PIBF1: variants seen among roughly 807,000 people sequenced by gnomAD.
PIBF1 encodes progesterone-induced-blocking factor 1.
PIBF1 carries 90 observed loss-of-function variants against 112.5 expected under a neutral mutation model. That is an observed-to-expected ratio of 0.80 (90% confidence interval 0.67 to 0.95). PIBF1 has a LOEUF of 0.95. Among genes scored for constraint, PIBF1 ranks in the 40% least tolerant of loss-of-function variants. PIBF1 has a pLI of 0.00. For synonymous variants in PIBF1, 301 were observed against 288.6 expected (o/e 1.04, Z -0.44); for missense variants, 915 against 852.3 (o/e 1.07, Z -0.92).
chr13:72,801,416 G>T (rs1223074145), intron 5 of PIBF1, among the ~76,000 whole-genome samples: 1 of 151,810 alleles, frequency 6.6e-6, no homozygotes, highest in Non-Finnish European at 1.5e-5. Flanking sequence ...ATATATGTAG[G>T]TACTATATTT....
chr13:72,793,272 C>T (rs1170169795), intron 3 of PIBF1, among the ~76,000 whole-genome samples: 2 of 152,184 alleles, frequency 1.3e-5, no homozygotes, highest in African/African-American at 2.4e-5. Flanking sequence ...GTTTTAATTA[C>T]AGGTAAAAGT....
intron 12 of PIBF1, among the ~76,000 whole-genome samples, chr13:72,911,264 G>A (rs78209499): frequency 0.11 from 16,768 of 152,162 alleles, 1,266 homozygotes; most frequent in Non-Finnish European, 0.17. Context: ...TCAATATCAG[G>A]ATAATACAGT....
chr13:72,858,642 T>A (rs765345200), intron 10 of PIBF1, among the ~76,000 whole-genome samples: 3 of 152,194 alleles, frequency 2.0e-5, no homozygotes, highest in Non-Finnish European at 4.4e-5. Context: ...AGAGATTTTG[T>A]ACCTCATAAA....
chr13:72,852,421 T>C (rs1052472737), intron 9 of PIBF1, among the ~76,000 whole-genome samples: 6 of 152,232 alleles, frequency 3.9e-5, no homozygotes, highest in Non-Finnish European at 5.9e-5. Context: ...GGTTGAACCC[T>C]GTACTCACTG....
intron 9 of PIBF1, among the ~76,000 whole-genome samples, chr13:72,852,315 T>C (rs536933549): frequency 3.3e-5 from 5 of 152,322 alleles, no homozygotes; most frequent in African/African-American, 9.6e-5. Flanking sequence ...GTGCCAGCAG[T>C]GGAAGCTGCT....
intron 16 of PIBF1, among the ~76,000 whole-genome samples, chr13:72,989,776 G>A (rs547159659): frequency 1.5e-3 from 229 of 152,280 alleles, no homozygotes; most frequent in Non-Finnish European, 2.8e-3. Context: ...TGTGGTATGT[G>A]AATTATATCT....
chr13:72,855,237 C>A (rs2038363190), intron 10 of PIBF1, among the ~76,000 whole-genome samples: 1 of 152,046 alleles, frequency 6.6e-6, no homozygotes. Context: ...ATATAATTAA[C>A]CTATTGTAAA....
At chr13:72,944,457 AAAG>A (rs2042094987) in intron 14 of PIBF1, among the ~76,000 whole-genome samples, 2 of 151,642 alleles carry the variant, frequency 1.3e-5, no homozygotes, top group African/African-American at 2.4e-5. Flanking sequence ...AAAAAAAAAA[AAAG>A]AAGAAAAAGA....
At chr13:72,981,905 A>G (rs1727104179) in intron 16 of PIBF1, among the ~76,000 whole-genome samples, 1 of 152,238 alleles carries the variant, frequency 6.6e-6, no homozygotes, top group African/African-American at 2.4e-5. Flanking sequence ...GGAAAAAGCC[A>G]GCAGTCAGAC....
At chr13:72,951,439 T>G (rs971465823) in intron 14 of PIBF1, among the ~76,000 whole-genome samples, 2 of 152,202 alleles carry the variant, frequency 1.3e-5, no homozygotes, top group Non-Finnish European at 2.9e-5. Context: ...AAAGCAACTT[T>G]CATTGAAATA....
chr13:73,003,444 G>C (rs981264552), intron 17 of PIBF1, among the ~76,000 whole-genome samples: 2 of 151,912 alleles, frequency 1.3e-5, no homozygotes, highest in Admixed American at 6.6e-5. Flanking sequence ...TTGTAGAGAC[G>C]GGGTTTCACC....
chr13:72,888,793 T>C (rs1348787363), intron 10 of PIBF1, among the ~76,000 whole-genome samples: 2 of 151,354 alleles, frequency 1.3e-5, no homozygotes, highest in African/African-American at 2.4e-5. Context: ...AAAACTGATA[T>C]ATCAATTCAT....
At chr13:72,801,401 A>G (rs1477635855) in intron 5 of PIBF1, among the ~76,000 whole-genome samples, 1 of 152,212 alleles carries the variant, frequency 6.6e-6, no homozygotes, top group Non-Finnish European at 1.5e-5. Flanking sequence ...TAATGAATGC[A>G]TAAAATATAT....
At chr13:72,927,976 T>TAGATATATATATATACAC (rs2041557935) in intron 13 of PIBF1, among the ~76,000 whole-genome samples, 1 of 81,100 alleles carries the variant, frequency 1.2e-5, no homozygotes, top group African/African-American at 4.0e-5. Context: ...TATATATATA[T>TAGATATATATATATACAC]ACATATATAT....
intron 11 of PIBF1, among the ~76,000 whole-genome samples, chr13:72,894,751 A>C (rs2040199704): frequency 7.8e-6 from 1 of 127,958 alleles, no homozygotes; most frequent in African/African-American, 3.3e-5. Context: ...AATATATAAT[A>C]TATATATTAT....
intron 17 of PIBF1, 89 bp downstream of exon 17, chr13:72,999,084 A>C: frequency 2.5e-6 from 2 of 805,212 alleles, no homozygotes; most frequent in Admixed American, 2.5e-5. Context: ...ACATTTATGA[A>C]ATGAGTAGAT....
chr13:72,901,130 C>T (rs761726136), intron 11 of PIBF1: 9 of 422,434 alleles, frequency 2.1e-5, no homozygotes, highest in Admixed American at 1.9e-4. Flanking sequence ...AACAGACAAC[C>T]CACAAAGTGG....
intron 17 of PIBF1, among the ~76,000 whole-genome samples, chr13:73,010,289 G>C (rs1204586884): frequency 7.1e-6 from 1 of 140,014 alleles, no homozygotes; most frequent in Non-Finnish European, 1.5e-5. Context: ...CATTACCCGT[G>C]GGTTGGGACC....
At chr13:72,946,448 C>T (rs2042150952) in intron 14 of PIBF1, among the ~76,000 whole-genome samples, 1 of 152,072 alleles carries the variant, frequency 6.6e-6, no homozygotes, top group Non-Finnish European at 1.5e-5. Flanking sequence ...GCACCTGGAC[C>T]CTCCCAAATC....
Sources: allele counts gnomAD v4.1 joint callset (sites outside exome capture counted in the v4.1 genomes callset), GRCh38; gene constraint gnomAD v4.1.1; transcripts MANE v1.5; gene names NCBI Gene and HGNC (gene_info 2026-07-23, HGNC 2026-07-21).